Variants in PRIMA1 observed in about 807,000 individuals in gnomAD.
PRIMA1 encodes proline rich membrane anchor 1, also known as proline-rich membrane anchor 1.
PRIMA1 carries 7 observed loss-of-function variants against 17.5 expected under a neutral mutation model. That is an observed-to-expected ratio of 0.40 (90% CI 0.23 to 0.75). The LOEUF (loss-of-function observed/expected upper bound fraction) is 0.75. Among genes scored for constraint, PRIMA1 ranks in the 30% least tolerant of loss-of-function variants. The pLI, the probability that PRIMA1 is intolerant of heterozygous loss-of-function variation, is 0.37. For missense variants in PRIMA1, 200 were observed against 201.8 expected (o/e 0.99, Z 0.05); for synonymous variants, 97 against 77.9 (o/e 1.25, Z -1.29).
At chr14:93,723,927 C>A (rs2076058606) in intron 4 of PRIMA1, among the ~76,000 whole-genome samples, 1 of 152,150 alleles carries the variant, frequency 6.6e-6, no homozygotes, top group African/African-American at 2.4e-5. Context: ...GGGTCTTGCT[C>A]TGTTGCCTAG....
rs559475326 is a variant in PRIMA1, at chr14:93,771,899, G to A, written c.229+7277C>T. On this transcript the variant is annotated intron_variant, in intron 3 of 4. Transcript: ENST00000393140. ...CTCTCAGCACTGGAGGGAAGAGTTA[G>A]GCAGGGGCCACACTAGGAAGTAATC... 1.1e-4 allele frequency among the ~76,000 whole-genome samples: 17 copies of A among 152,322 alleles called. No homozygotes were observed. In the East Asian group the frequency reaches 3.3e-3, roughly 29 times the overall value.
At chr14:93,749,261 CGA>C (rs2141171071) in intron 3 of PRIMA1, among the ~76,000 whole-genome samples, 1 of 152,300 alleles carries the variant, frequency 6.6e-6, no homozygotes, top group East Asian at 1.9e-4. Flanking sequence ...TGAGAAGCAA[CGA>C]GAGGGGGCCA....
intron 4 of PRIMA1, among the ~76,000 whole-genome samples, chr14:93,736,517 C>T (rs1333583056): frequency 6.6e-6 from 1 of 152,230 alleles, no homozygotes; most frequent in Non-Finnish European, 1.5e-5. Context: ...GGGTTCTCGG[C>T]TGGGTGGCAG....
chr14:93,738,888 G>C (rs2076167391), intron 3 of PRIMA1, among the ~76,000 whole-genome samples: 1 of 152,144 alleles, frequency 6.6e-6, no homozygotes, highest in East Asian at 1.9e-4. Flanking sequence ...GCTTGGTTTT[G>C]ACATTCACAT....
intron 3 of PRIMA1, among the ~76,000 whole-genome samples, chr14:93,766,117 T>A (rs1306281275): frequency 6.6e-6 from 1 of 152,174 alleles, no homozygotes; most frequent in Non-Finnish European, 1.5e-5. Context: ...GGCTGTAGAT[T>A]TTTTTAAAGA....
intron 4 of PRIMA1, among the ~76,000 whole-genome samples, chr14:93,732,853 G>C (rs2076123885): frequency 6.6e-6 from 1 of 152,206 alleles, no homozygotes; most frequent in African/African-American, 2.4e-5. Flanking sequence ...GAAGGGAACA[G>C]GCCTGGGGAC....
intron 3 of PRIMA1, among the ~76,000 whole-genome samples, chr14:93,758,239 C>T (rs990852783): frequency 1.5e-4 from 23 of 152,064 alleles, no homozygotes; most frequent in Admixed American, 1.2e-3. Flanking sequence ...TTTAAAGACG[C>T]GGCCTAAATA....
At chr14:93,776,223 C>T (rs1566977490) in intron 3 of PRIMA1, among the ~76,000 whole-genome samples, 1 of 152,172 alleles carries the variant, frequency 6.6e-6, no homozygotes, top group Admixed American at 6.5e-5. Flanking sequence ...GCCTGGATAT[C>T]CTGATACGTG....
At chr14:93,760,152 T>G (rs970231563) in intron 3 of PRIMA1, among the ~76,000 whole-genome samples, 3 of 152,326 alleles carry the variant, frequency 2.0e-5, no homozygotes, top group Admixed American at 2.0e-4. Flanking sequence ...AGGCAACGTC[T>G]TGGCACAATC....
At chr14:93,786,609 G>A (rs1314100079) in intron 2 of PRIMA1, among the ~76,000 whole-genome samples, 1 of 152,128 alleles carries the variant, frequency 6.6e-6, no homozygotes, top group East Asian at 1.9e-4. Flanking sequence ...AATGCCATCA[G>A]GAGCACATGA....
intron 4 of PRIMA1, among the ~76,000 whole-genome samples, chr14:93,727,686 G>C (rs1238794654): frequency 6.6e-6 from 1 of 152,152 alleles, no homozygotes; most frequent in Admixed American, 6.5e-5. Context: ...GTCTGGTGGA[G>C]GTCCTATACA....
intron 3 of PRIMA1, among the ~76,000 whole-genome samples, chr14:93,738,236 G>C (rs955986390): frequency 2.0e-5 from 3 of 152,174 alleles, no homozygotes; most frequent in Admixed American, 2.0e-4. Flanking sequence ...CTTGGCACAG[G>C]CTGTCTTGGG....
In PRIMA1 at chr14:93,726,474, C is replaced by T. The variant is rs943369283; in HGVS notation, c.360-4928G>A. Among the ~76,000 whole-genome samples, 1 of 152,084 alleles carries T rather than the reference C, an allele frequency of 6.6e-6. No individual in the cohort carries two copies. Among genetic ancestry groups the T allele is most frequent in the Non-Finnish European group, 1.5e-5 (1 of 67,996 alleles). ...TTCATCCCCCGACTGCCCACCCCGA[C>T]ACCCTCCCACACCCATACACACACA... On this transcript the variant is annotated intron_variant, in intron 4 of 4. Coordinates refer to ENST00000393140, the MANE Select transcript of PRIMA1 (RefSeq NM_178013.4). The surrounding 1 kb of genome is among the most constrained non-coding windows in gnomAD (Gnocchi z 4.2).
intron 2 of PRIMA1, among the ~76,000 whole-genome samples, chr14:93,784,944 G>A (rs1456981262): frequency 1.3e-5 from 2 of 152,150 alleles, no homozygotes; most frequent in African/African-American, 4.8e-5. Context: ...AATCATCAAA[G>A]CTGCAGAGAC....
At chr14:93,782,238 A>C (rs1304721589) in intron 2 of PRIMA1, among the ~76,000 whole-genome samples, 1 of 152,176 alleles carries the variant, frequency 6.6e-6, no homozygotes, top group Non-Finnish European at 1.5e-5. Context: ...ACCGCACTCC[A>C]GCCTGGGCGA....
intron 3 of PRIMA1, among the ~76,000 whole-genome samples, chr14:93,754,880 G>A (rs1056637299): frequency 6.6e-6 from 1 of 152,132 alleles, no homozygotes; most frequent in Non-Finnish European, 1.5e-5. Flanking sequence ...TACAGACAGG[G>A]TGACGCTTCA....
intron 3 of PRIMA1, among the ~76,000 whole-genome samples, chr14:93,763,911 C>T (rs1436357860): frequency 6.6e-6 from 1 of 152,144 alleles, no homozygotes; most frequent in Non-Finnish European, 1.5e-5. Flanking sequence ...GAGGCACCAG[C>T]CAATGCCTCC....
chr14:93,739,820 G>A (rs4900193), intron 3 of PRIMA1, among the ~76,000 whole-genome samples: 144,543 of 152,170 alleles, frequency 0.95, 69,330 homozygotes, highest in Non-Finnish European at 0.99. Context: ...AATCCCAGCA[G>A]TTTGGGAGGC....
chr14:93,779,878 G>C (rs141609173), intron 2 of PRIMA1, among the ~76,000 whole-genome samples: 1,696 of 152,300 alleles, frequency 0.011, 40 homozygotes, highest in African/African-American at 0.038. Flanking sequence ...CGTGACCAAA[G>C]GGAGCAGAGC....
Sources: gnomAD v4.1 joint callset for allele counts (sites outside exome capture counted in the v4.1 genomes callset) on GRCh38, gnomAD v4.1.1 for gene constraint, Gnocchi (gnomAD v3.1) non-coding constraint, MANE v1.5 for transcripts, NCBI Gene and HGNC (gene_info 2026-07-23, HGNC 2026-07-21) for gene names.